The following STAU2 variants were observed in gnomAD, a reference collection of about 807,000 sequenced individuals.
STAU2 encodes the protein staufen double-stranded RNA binding protein 2.
A neutral mutation model predicts 65.9 loss-of-function variants in STAU2; 20 were observed. The observed-to-expected ratio is 0.30, with a 90% CI of 0.21 to 0.44. The LOEUF (loss-of-function observed/expected upper bound fraction) is 0.44. Among genes scored for constraint, STAU2 ranks in the 20% least tolerant of loss-of-function variants. STAU2 has a pLI of 1.00. For synonymous variants in STAU2, 232 were observed against 233.9 expected, an observed-to-expected ratio of 0.99 and a Z score of 0.07; for missense variants, 558 against 683.9, an observed-to-expected ratio of 0.82 and a Z score of 2.05.
intron 13 of STAU2, among the ~76,000 whole-genome samples, chr8:73,496,929 T>C (rs1821452913): frequency 6.6e-6 from 1 of 151,734 alleles, no homozygotes. Flanking sequence ...CTTTCAGTTT[T>C]ATAATTTTTA....
chr8:73,706,936 T>C (rs1252156237), intron 4 of STAU2, among the ~76,000 whole-genome samples: 1 of 152,216 alleles, frequency 6.6e-6, no homozygotes, highest in Non-Finnish European at 1.5e-5. Flanking sequence ...AGAATCTTAA[T>C]GAAAACCAAA....
chr8:73,741,304 C>CAAAAAAAACAAA (rs1806853931), intron 1 of STAU2, among the ~76,000 whole-genome samples: 1 of 112,110 alleles, frequency 8.9e-6, no homozygotes, highest in African/African-American at 4.0e-5. Context: ...GACTCCGTCT[C>CAAAAAAAACAAA]AAAAAAAAAA....
intron 6 of STAU2, among the ~76,000 whole-genome samples, chr8:73,625,183 T>G (rs980831922): frequency 1.6e-4 from 24 of 152,194 alleles, no homozygotes; most frequent in Non-Finnish European, 2.9e-5. Flanking sequence ...AAAGCAGAAT[T>G]ACCACTTGAC....
intron 13 of STAU2, among the ~76,000 whole-genome samples, chr8:73,482,681 A>C (rs1218100569): frequency 2.0e-5 from 3 of 152,138 alleles, no homozygotes; most frequent in African/African-American, 7.2e-5. Context: ...ACTATTAAGA[A>C]ATTTATTTTC....
At chr8:73,708,982 A>G in intron 4 of STAU2, 50 bp downstream of exon 4, 1 of 1,415,740 alleles carries the variant, frequency 7.1e-7, no homozygotes, top group Non-Finnish European at 9.2e-7. Flanking sequence ...TGAGATGATA[A>G]ATCTGTTAGT....
chr8:73,503,614 T>TAATCA (rs2094212571), intron 13 of STAU2, among the ~76,000 whole-genome samples: 4 of 152,000 alleles, frequency 2.6e-5, no homozygotes, highest in Admixed American at 2.6e-4. Flanking sequence ...TTTTGTTGAA[T>TAATCA]GGATAAATGA....
chr8:73,746,747 C>CG lies in STAU2; in HGVS notation c.-197+35dup, dbSNP rs1242761250. On this transcript the variant is annotated intron_variant, in intron 1 of 14. Coordinates refer to ENST00000524300, the MANE Select transcript of STAU2 (RefSeq NM_001164380.2). ...CCTTCTTCGCCGGCGGCGCGGAAGT[C>CG]GGGGTCTCCCGGACGCCCCCGATGA... 3.4e-6 allele frequency: 4 copies of CG among 1,187,724 alleles called. No individual in the cohort carries two copies. The African/African-American group carries it at 4.7e-5, about 14-fold the overall frequency. The allele number at this position is 1,187,724 out of a possible 1,614,324, so 73.6% of individuals were successfully genotyped here.
intron 12 of STAU2, among the ~76,000 whole-genome samples, chr8:73,573,517 A>G (rs901531542): frequency 1.3e-5 from 2 of 152,258 alleles, no homozygotes; most frequent in Non-Finnish European, 2.9e-5. Context: ...ACCGAGCTAC[A>G]GTAACCAAAA....
At chr8:73,707,790 A>G (rs911713319) in intron 4 of STAU2, among the ~76,000 whole-genome samples, 2 of 151,966 alleles carry the variant, frequency 1.3e-5, no homozygotes, top group African/African-American at 2.4e-5. Context: ...TTACTGTACT[A>G]TAACACAGTA....
intron 6 of STAU2, among the ~76,000 whole-genome samples, chr8:73,631,000 C>T (rs1052238171): frequency 1.3e-5 from 2 of 152,076 alleles, no homozygotes; most frequent in South Asian, 4.1e-4. Context: ...GTACCATACC[C>T]GGGAGAACAT....
chr8:73,549,283 C>G (rs1200382290), intron 13 of STAU2, among the ~76,000 whole-genome samples: 1 of 152,092 alleles, frequency 6.6e-6, no homozygotes, highest in African/African-American at 2.4e-5. Context: ...CGTATTAATA[C>G]TTGATAAAAC....
At position 73,485,698 on chromosome 8, in the gene STAU2, T is replaced by C. The variant is rs143591023; in HGVS notation, c.1531-62996A>G. 6.6e-3 allele frequency among the ~76,000 whole-genome samples: 1,008 copies of C among 152,042 alleles called. 11 individuals carry two copies. The highest frequency in any genetic ancestry group is 0.023 in the African/African-American group (970 of 41,496). ...AAAAAATAAAAATATTAGCCGGGCA[T>C]GAGCACAAGCCTATAGTCCCAGCTA... On this transcript the variant is annotated intron_variant, in intron 13 of 14. Transcript: ENST00000524300.
intron 3 of STAU2, among the ~76,000 whole-genome samples, chr8:73,727,184 C>G (rs1805704002): frequency 6.6e-6 from 1 of 152,224 alleles, no homozygotes; most frequent in Middle Eastern, 3.4e-3. Context: ...GAGCTGAGAT[C>G]ACACCACTGC....
At chr8:73,527,627 T>C (rs1273953773) in intron 13 of STAU2, 12 of 1,290,042 alleles carry the variant, frequency 9.3e-6, no homozygotes, top group Non-Finnish European at 1.3e-5. Context: ...ATAGCTTCCA[T>C]TTTGATGGCC....
At chr8:73,536,580 C>T (rs1471920409) in intron 13 of STAU2, among the ~76,000 whole-genome samples, 2 of 152,012 alleles carry the variant, frequency 1.3e-5, no homozygotes, top group Non-Finnish European at 1.5e-5. Context: ...CAGAGAAGGC[C>T]AAATGGGGAG....
In STAU2 at chr8:73,460,724, G is replaced by A. The variant is rs114808738; in HGVS notation, c.1531-38022C>T. 5.6e-3 allele frequency among the ~76,000 whole-genome samples: 853 copies of A among 152,282 alleles called. 11 individuals are homozygous for A. The highest frequency in any genetic ancestry group is 0.02 in the African/African-American group (827 of 41,542). On this transcript the variant is annotated intron_variant, in intron 13 of 14. Transcript: ENST00000524300. Reference sequence around the variant, plus strand: ...ATTATCAGTTGCTTCTGGAATGACAGCCATAATTATTTAGTGCCAGACACT... The same window carrying A: ...ATTATCAGTTGCTTCTGGAATGACAACCATAATTATTTAGTGCCAGACACT...
rs373626530 is a variant in STAU2 at position 73,658,940 on chromosome 8, CAACAA to C, written c.410+14162_410+14166del. Among the ~76,000 whole-genome samples, 7 of 51,608 alleles carry C rather than the reference CAACAA, an allele frequency of 1.4e-4. No individual in the cohort carries two copies. In the East Asian group the frequency reaches 4.1e-3, roughly 30 times the overall value. 33.9% of individuals were successfully genotyped at this position (51,608 alleles called of 152,430 possible). On this transcript the variant is annotated intron_variant, in intron 6 of 14. Coordinates refer to ENST00000524300, the MANE Select transcript of STAU2 (RefSeq NM_001164380.2). ...AAAACAACAACAACAACAACAAAAA[CAACAA>C]AAAAAAAAAACCAACCATACTTAAA...
chr8:73,741,178 G>A (rs1806839860), intron 1 of STAU2, among the ~76,000 whole-genome samples: 1 of 149,798 alleles, frequency 6.7e-6, no homozygotes. Flanking sequence ...GGTGGCGGGC[G>A]CCTGTAGTCC....
Position 73,568,155 on chromosome 8 carries a change from C to T in STAU2, c.1222+14615G>A, listed in dbSNP as rs373582541. 2.6e-5 allele frequency among the ~76,000 whole-genome samples: 4 copies of T among 152,318 alleles called. No individual in the cohort carries two copies. In the East Asian group the frequency reaches 5.8e-4, roughly 22 times the overall value. On this transcript the variant is annotated intron_variant, in intron 12 of 14. Transcript: ENST00000524300. ...TGATGCTTTGACTACTCTCACATCT[C>T]TTATTTCTGTTGCCAAGGAAGGAGA...
Sources: allele counts gnomAD v4.1 joint callset (sites outside exome capture counted in the v4.1 genomes callset), GRCh38; gene constraint gnomAD v4.1.1; transcripts MANE v1.5; gene names NCBI Gene and HGNC (gene_info 2026-07-23, HGNC 2026-07-21).